Variants in MKI67 observed in about 807,000 individuals in gnomAD.
MKI67 encodes marker of proliferation Ki-67, also known as proliferation marker protein Ki-67.
A neutral mutation model predicts 233.5 loss-of-function variants in MKI67; 152 were observed. That is an observed-to-expected ratio of 0.65 (90% confidence interval 0.57 to 0.74). The LOEUF (loss-of-function observed/expected upper bound fraction) is 0.74. MKI67 is among the 30% of genes least tolerant of loss of function. MKI67 has a pLI of 0.00. For synonymous variants in MKI67, 1,465 were observed against 1,418.5 expected, an observed-to-expected ratio of 1.03 and a Z score of -0.74; for missense variants, 3,940 against 3,885.2, an observed-to-expected ratio of 1.01 and a Z score of -0.37.
At position 128,103,391 on chromosome 10, in the gene MKI67, C is replaced by T. The variant is rs372524784; in HGVS notation, c.8449G>A (p.Asp2817Asn). The T allele has an allele frequency of 1.2e-6, 2 of 1,613,900 alleles. No individual in the cohort carries two copies. Among genetic ancestry groups the T allele is most frequent in the Non-Finnish European group, 1.7e-6 (2 of 1,180,020 alleles). Residue 2817 changes from aspartate (D) to asparagine (N), a missense_variant, in exon 13 of 15, where the codon GAT becomes AAT. Transcript: ENST00000368654. ...AAGHTEESMT[D>N]DKTTKIPCKS... is the part of the protein sequence containing the mutation. ...CAGGGTATTTTAGTGGTTTTGTCAT[C>T]AGTCATTGATTCTTCAGTGTGACCT...
rs776996722 is a variant in MKI67 at position 128,106,123 on chromosome 10, G to T, written c.5717C>A (p.Thr1906Lys). Residue 1906 changes from threonine to lysine, a missense_variant, in exon 13 of 15, where the codon ACG (threonine) becomes AAG (lysine). Coordinates refer to ENST00000368654, the MANE Select transcript of MKI67 (RefSeq NM_002417.5). ...LTPSAGKAMH[T>K]PKAAVGEEKD... is the part of the protein sequence containing the mutation. ...CTCTTCACCTACTGCTGCTTTAGGC[G>T]TGTGCATGGCTTTGCCTGCTGATGG... 2.5e-6 allele frequency: 4 copies of T among 1,613,948 alleles called. No individual in the cohort carries two copies. The highest frequency in any genetic ancestry group is 3.4e-6 in the Non-Finnish European group (4 of 1,180,034).
In MKI67 at chr10:128,107,693, T is replaced by C; in HGVS notation, c.4147A>G (p.Thr1383Ala). Residue 1383 changes from threonine (T) to alanine (A), a missense_variant, in exon 13 of 15, where the codon ACC becomes GCC. Coordinates refer to ENST00000368654, the MANE Select transcript of MKI67 (RefSeq NM_002417.5). ...GGCTGCCTTCTTGTGCTTGTTGGGG[T>C]GTCTGCTGATTCTGGTGGAGAAGAT... ...CESSPPESAD[T>A]PTSTRRQPKT... is the part of the protein sequence containing the mutation. 1.2e-6 allele frequency: 2 copies of C among 1,613,888 alleles called. No homozygotes were observed. Among genetic ancestry groups the C allele is most frequent in the South Asian group, 2.2e-5 (2 of 91,068 alleles).
chr10:128,104,226 A>C lies in MKI67; in HGVS notation c.7614T>G (p.Ser2538Arg), dbSNP rs144172795. 2.5e-6 allele frequency: 4 copies of C among 1,613,782 alleles called. No individual in the cohort carries two copies. In the African/African-American group the frequency reaches 5.3e-5, roughly 22 times the overall value. Residue 2538 changes from serine to arginine, a missense_variant, in exon 13 of 15, where the codon AGT becomes AGG. By Grantham distance (110) the Ser-to-Arg change is moderately radical. Coordinates refer to ENST00000368654, the MANE Select transcript of MKI67 (RefSeq NM_002417.5). ...SPKQILDPAASVTGSRRQLRT... is the reference protein window; with the variant it reads ...SPKQILDPAARVTGSRRQLRT... Reference sequence around the variant, plus strand: ...TCAGCTGCCTCCTGCTACCAGTTACACTTGCTGCTGGGTCCAGGATCTGCT... The same window carrying C: ...TCAGCTGCCTCCTGCTACCAGTTACCCTTGCTGCTGGGTCCAGGATCTGCT...
In MKI67 at chr10:128,103,835, G is replaced by T. The variant is rs34126970; in HGVS notation, c.8005C>A (p.Pro2669Thr). The part of the protein sequence containing the change: ...EEPSRRRPRA[P>T]KEKAQPLEDL... ...TCCAGGGGTTGGGCCTTTTCCTTAG[G>T]TGCTCTTGGCCTTCTCCTGCTGGGT... Residue 2669 changes from proline (P) to threonine (T), a missense_variant, in exon 13 of 15, where the codon CCT becomes ACT. Coordinates refer to ENST00000368654, the MANE Select transcript of MKI67 (RefSeq NM_002417.5). The T allele has an allele frequency of 1.1e-5, 17 of 1,613,896 alleles. No individual in the cohort carries two copies. The Admixed American group carries it at 2.7e-4, about 25-fold the overall frequency.
At position 128,109,147 on chromosome 10, in the gene MKI67, G is replaced by C. The variant is rs200652929; in HGVS notation, c.2693C>G (p.Thr898Arg). 9.3e-6 allele frequency: 15 copies of C among 1,614,000 alleles called. No individual in the cohort carries two copies. The highest frequency in any genetic ancestry group is 1.1e-5 in the Non-Finnish European group (13 of 1,180,022). The change falls in exon 13 of 15, where the codon ACA becomes AGA. Residue 898 changes from threonine (T) to arginine (R), a missense_variant. Physicochemically the swap from Thr to Arg is moderately conservative, Grantham distance 71. Coordinates refer to ENST00000368654, the MANE Select transcript of MKI67 (RefSeq NM_002417.5). ...PVESKSEETN[T>R]EIVECILKRG... ...TTTTAGGATGCACTCAACAATTTCT[G>C]TATTTGTTTCTTCACTCTTACTTTC...
At position 128,099,042 on chromosome 10, in the gene MKI67, G is replaced by T. The variant is rs187652958; in HGVS notation, c.*148C>A. 3.1e-5 allele frequency: 18 copies of T among 582,466 alleles called. No individual in the cohort carries two copies. The highest frequency in any genetic ancestry group is 2.7e-4 in the African/African-American group (14 of 52,234). The allele number at this position is 582,466 out of a possible 1,614,324, so 36.1% of individuals were successfully genotyped here. A position where few individuals can be genotyped will look rare whatever the true frequency, so the allele number is the denominator to read the frequency against. ...TGCTCCCAGTGGAGTTTATGAAGCCGATTCAGACCCAGCAAATCCAAAGTT... is the reference window on the plus strand; with the variant it reads ...TGCTCCCAGTGGAGTTTATGAAGCCTATTCAGACCCAGCAAATCCAAAGTT... On this transcript the variant is annotated 3_prime_UTR_variant, in exon 15 of 15. Coordinates refer to ENST00000368654, the MANE Select transcript of MKI67 (RefSeq NM_002417.5).
Position 128,096,719 on chromosome 10 carries a change from G to C in MKI67, c.*2471C>G, listed in dbSNP as rs8436. 42,591 of 152,160 alleles carry C rather than the reference G, an allele frequency of 0.28. 6,021 individuals carry two copies. Among genetic ancestry groups the C allele is most frequent in the African/African-American group, 0.31 (12,759 of 41,484 alleles). 9.4% of individuals were successfully genotyped at this position (152,160 alleles called of 1,614,324 possible). On this transcript the variant is annotated 3_prime_UTR_variant, in exon 15 of 15. Coordinates refer to ENST00000368654, the MANE Select transcript of MKI67 (RefSeq NM_002417.5). ...TCTCCTGTGGCTGGTCACTGGGATA[G>C]AGTAACCAGGAAATGCAGTCGGCCC...
chr10:128,107,748 A>C lies in MKI67; in HGVS notation c.4092T>G (p.Ala1364=), dbSNP rs780385570. The C allele has an allele frequency of 5.2e-5, 84 of 1,613,826 alleles. No individual in the cohort carries two copies. The highest frequency in any genetic ancestry group is 1.7e-4 in the Middle Eastern group (1 of 6,058). The change falls in exon 13 of 15, where the codon GCT becomes GCG. Residue 1364 remains alanine (A), a synonymous_variant. Coordinates refer to ENST00000368654, the MANE Select transcript of MKI67 (RefSeq NM_002417.5). ...AGGGCATTTTAGTAGTTTTGCCAGCAGCCACTGCTTCTTCAGTATGACCAG... is the reference window on the plus strand; with the variant it reads ...AGGGCATTTTAGTAGTTTTGCCAGCCGCCACTGCTTCTTCAGTATGACCAG... ...QTPGHTEEAV[A]AGKTTKMPCE... is the part of the protein sequence containing the mutation.
rs993593514 is a variant in MKI67 at position 128,105,890 on chromosome 10, G to A, written c.5950C>T (p.Pro1984Ser). 2 of 1,613,758 alleles carry A rather than the reference G, an allele frequency of 1.2e-6. No individual in the cohort carries two copies. Among genetic ancestry groups the A allele is most frequent in the Non-Finnish European group, 1.7e-6 (2 of 1,179,960 alleles). The change falls in exon 13 of 15, where the codon CCA (proline) becomes TCA (serine). Residue 1984 changes from proline to serine, a missense_variant. Physicochemically the swap from Pro to Ser is moderately conservative, Grantham distance 74. Transcript: ENST00000368654. ...GGGGTTTTGACTGGGTCTGGTTGTG[G>A]AGATTTGCAGGATACTTCTGTGATT... ...DKITEVSCKS[P>S]QPDPVKTPTS...
Position 128,104,909 on chromosome 10 carries a change from G to A in MKI67, c.6931C>T (p.Gln2311Ter). The change falls in exon 13 of 15, where the codon CAG becomes TAG. Residue 2311 changes from glutamine (Q) to a stop codon, truncating the protein, a stop_gained. Transcript: ENST00000368654. LOFTEE classifies it high-confidence loss of function. ...RWPQTPKEKA[Q>*]ALEDLAGFKE... is the part of the protein sequence containing the mutation. ...AAGCCAGCCAGGTCTTCTAGAGCCT[G>A]GGCCTTTTCCTTAGGAGTTTGTGGC... The A allele has an allele frequency of 6.2e-7, 1 of 1,611,196 alleles. No individual in the cohort carries two copies. Among genetic ancestry groups the A allele is most frequent in the East Asian group, 2.2e-5 (1 of 44,628 alleles).
intron 4 of MKI67, among the ~76,000 whole-genome samples, chr10:128,120,222 G>A (rs926326035): frequency 6.6e-6 from 1 of 152,170 alleles, no homozygotes; most frequent in East Asian, 1.9e-4. Context: ...CGGGCGCAGT[G>A]GCTCATGCCT....
rs371337191 is a variant in MKI67 at position 128,107,183 on chromosome 10, C to T, written c.4657G>A (p.Ala1553Thr). ...PAVSGEKNIYAFMGTPVQKLD... is the reference protein window; with the variant it reads ...PAVSGEKNIYTFMGTPVQKLD... ...TTCTGCACTGGAGTTCCCATAAATG[C>T]GTAGATGTTTTTCTCACCACTTACT... is the stretch of plus-strand genomic sequence containing the variant. The change falls in exon 13 of 15, where the codon GCA becomes ACA. Residue 1553 changes from alanine to threonine, a missense_variant. By Grantham distance (58) the Ala-to-Thr change is moderately conservative. Transcript: ENST00000368654. The T allele has an allele frequency of 3.5e-5, 56 of 1,613,676 alleles. No homozygotes were observed. The African/African-American group carries it at 4.9e-4, about 14-fold the overall frequency.
At chr10:128,113,843 A>G (rs1852735178) in intron 7 of MKI67, among the ~76,000 whole-genome samples, 1 of 152,176 alleles carries the variant, frequency 6.6e-6, no homozygotes, top group Non-Finnish European at 1.5e-5. Flanking sequence ...TCTTTAAAAC[A>G]TTGAAACATT....
Position 128,103,215 on chromosome 10 carries a change from C to G in MKI67, c.8625G>C (p.Pro2875=). The G allele has an allele frequency of 1.9e-6, 3 of 1,613,788 alleles. No individual in the cohort carries two copies. In the East Asian group the frequency reaches 6.7e-5, roughly 36 times the overall value. ...SGETTHTDKE[P]VGEGKGTKAF... is the part of the protein sequence containing the mutation. ...CTTTCGTGCCTTTGCCCTCACCTAC[C>G]GGCTCTTTGTCGGTGTGCGTGGTCT... Residue 2875 remains proline (P), a synonymous_variant, in exon 13 of 15, where the codon CCG becomes CCC. Transcript: ENST00000368654.
intron 11 of MKI67, chr10:128,111,387 C>G (rs1852671339): frequency 2.6e-6 from 1 of 385,112 alleles, no homozygotes; most frequent in Non-Finnish European, 4.6e-6. Context: ...ATACGCTGCT[C>G]TCCAGGGTAA....
Position 128,108,889 on chromosome 10 carries a change from T to G in MKI67, c.2951A>C (p.Asn984Thr). 2 of 1,614,222 alleles carry G rather than the reference T, an allele frequency of 1.2e-6. No individual in the cohort carries two copies. The highest frequency in any genetic ancestry group is 2.7e-5 in the African/African-American group (2 of 75,058). The stretch of plus-strand genomic sequence containing the variant: ...GGCATGATCTTGGGTTTGGAGGAGA[T>G]TCTGGCCACGTGCCGTGTCTTTCAT... ...ELMKDTARGQ[N>T]LLQTQDHAKA... is the part of the protein sequence containing the mutation. Residue 984 changes from asparagine (N) to threonine (T), a missense_variant, in exon 13 of 15, where the codon AAT becomes ACT. Coordinates refer to ENST00000368654, the MANE Select transcript of MKI67 (RefSeq NM_002417.5).
intron 14 of MKI67, among the ~76,000 whole-genome samples, chr10:128,101,004 T>C (rs934979194): frequency 1.3e-5 from 2 of 152,220 alleles, no homozygotes; most frequent in Admixed American, 6.5e-5. Flanking sequence ...ACTAGACAAA[T>C]TCCTTTTCTT....
chr10:128,118,979 T>C (rs1852869020), intron 5 of MKI67, among the ~76,000 whole-genome samples: 1 of 152,214 alleles, frequency 6.6e-6, no homozygotes, highest in South Asian at 2.1e-4. Context: ...AATCATGGGT[T>C]TGCAAAAAGC....
Position 128,103,205 on chromosome 10 carries a change from C to T in MKI67, c.8635G>A (p.Gly2879Ser), listed in dbSNP as rs770572215. Reference sequence around the variant, plus strand: ...TGCTTAAATGCTTTCGTGCCTTTGCCCTCACCTACCGGCTCTTTGTCGGTG... The same window carrying T: ...TGCTTAAATGCTTTCGTGCCTTTGCTCTCACCTACCGGCTCTTTGTCGGTG... ...THTDKEPVGEGKGTKAFKQPA... is the reference protein window; with the variant it reads ...THTDKEPVGESKGTKAFKQPA... Residue 2879 changes from glycine to serine, a missense_variant, in exon 13 of 15, where the codon GGC (glycine) becomes AGC (serine). By Grantham distance (56) the Gly-to-Ser change is moderately conservative. Coordinates refer to ENST00000368654, the MANE Select transcript of MKI67 (RefSeq NM_002417.5). 8 of 1,613,424 alleles carry T rather than the reference C, an allele frequency of 5.0e-6. No individual in the cohort carries two copies. The highest frequency in any genetic ancestry group is 1.3e-5 in the African/African-American group (1 of 74,682).
Sources: gnomAD v4.1 joint callset for allele counts (sites outside exome capture counted in the v4.1 genomes callset) on GRCh38, gnomAD v4.1.1 for gene constraint, MANE v1.5 for transcripts, NCBI Gene and HGNC (gene_info 2026-07-23, HGNC 2026-07-21) for gene names.